The following ANKS1B variants were observed in gnomAD, a reference collection of about 807,000 sequenced individuals.
The protein encoded by ANKS1B is ankyrin repeat and sterile alpha motif domain containing 1B, also known as ankyrin repeat and sterile alpha motif domain-containing protein 1B.
ANKS1B carries 36 observed loss-of-function variants against 148.3 expected under a neutral mutation model. The ratio of observed to expected loss-of-function variants is 0.24; its 90% CI spans 0.19 to 0.32. ANKS1B has a LOEUF of 0.32. Ranked by LOEUF, ANKS1B falls within the 10% of genes least tolerant of loss-of-function variation. The pLI is 1.00. For synonymous variants in ANKS1B, 542 were observed against 560.8 expected, an observed-to-expected ratio of 0.97 and a Z score of 0.47; for missense variants, 1,157 against 1,542.6, an observed-to-expected ratio of 0.75 and a Z score of 4.19.
intron 10 of ANKS1B, among the ~76,000 whole-genome samples, chr12:99,476,723 T>C (rs550465309): frequency 1.3e-5 from 2 of 152,192 alleles, no homozygotes; most frequent in South Asian, 4.1e-4. Flanking sequence ...TAGCTATCTA[T>C]TTCTGTGTAA....
At chr12:99,814,172 A>G (rs1007172002) in intron 2 of ANKS1B, among the ~76,000 whole-genome samples, 2 of 151,592 alleles carry the variant, frequency 1.3e-5, no homozygotes, top group Admixed American at 6.6e-5. Context: ...AGTGCACTCT[A>G]TGATGTTCAC....
intron 9 of ANKS1B, among the ~76,000 whole-genome samples, chr12:99,574,304 C>CT (rs1173028505): frequency 2.0e-5 from 3 of 151,834 alleles, no homozygotes; most frequent in Non-Finnish European, 2.9e-5. Flanking sequence ...GTTGTAGAGT[C>CT]TTTTTTTTCT....
chr12:98,740,101 G>A (rs1234451305), downstream of ANKS1B, among the ~76,000 whole-genome samples: 1 of 152,198 alleles, frequency 6.6e-6, no homozygotes, highest in Non-Finnish European at 1.5e-5. Context: ...CCCTGGGCTT[G>A]TTGCTGGGGC....
intron 12 of ANKS1B, among the ~76,000 whole-genome samples, chr12:99,260,713 A>C (rs892220620): frequency 3.3e-5 from 5 of 152,202 alleles, no homozygotes; most frequent in African/African-American, 1.2e-4. Flanking sequence ...TCTGATTCAG[A>C]GAGAAGAAAA....
chr12:99,311,455 T>C (rs1198122955), intron 12 of ANKS1B, among the ~76,000 whole-genome samples: 1 of 152,172 alleles, frequency 6.6e-6, no homozygotes, highest in African/African-American at 2.4e-5. Context: ...AAATGTAATT[T>C]CTTCAGCTTC....
Position 99,649,203 on chromosome 12 carries a change from A to G in ANKS1B, c.1272+5864T>C, listed in dbSNP as rs12312204. ...CACAACATGTTTGTGTACTTGTGCAATAATTTCTTTTTGTTGTTTACCTAT... is the reference window on the plus strand; with the variant it reads ...CACAACATGTTTGTGTACTTGTGCAGTAATTTCTTTTTGTTGTTTACCTAT... On this transcript the variant is annotated intron_variant, in intron 9 of 26. Transcript: ENST00000683438. 1.9e-3 allele frequency: 1,986 copies of G among 1,049,102 alleles called. 21 individuals are homozygous for G. In the African/African-American group the frequency reaches 0.028, roughly 15 times the overall value. 65.0% of individuals were successfully genotyped at this position (1,049,102 alleles called of 1,614,324 possible).
chr12:99,031,297 C>T (rs2099951975), intron 17 of ANKS1B, among the ~76,000 whole-genome samples: 1 of 152,160 alleles, frequency 6.6e-6, no homozygotes, highest in South Asian at 2.1e-4. Flanking sequence ...GTGGATTTGT[C>T]ATTTAATTGC....
intron 1 of ANKS1B, among the ~76,000 whole-genome samples, chr12:99,883,934 A>G (rs1283794129): frequency 1.3e-5 from 2 of 152,126 alleles, no homozygotes; most frequent in Admixed American, 6.5e-5. Context: ...TGCAAATCAT[A>G]TATCAAACAA....
chr12:99,685,942 G>C (rs1473852221), intron 8 of ANKS1B, among the ~76,000 whole-genome samples: 3 of 152,048 alleles, frequency 2.0e-5, no homozygotes, highest in Non-Finnish European at 2.9e-5. Flanking sequence ...AAGATACAAA[G>C]GCATAAGAAT....
intron 9 of ANKS1B, among the ~76,000 whole-genome samples, chr12:99,517,696 G>A (rs1035807473): frequency 6.6e-6 from 1 of 152,086 alleles, no homozygotes; most frequent in South Asian, 2.1e-4. Context: ...TTTCCAATTT[G>A]GATGCCCTTT....
intron 8 of ANKS1B, among the ~76,000 whole-genome samples, chr12:99,752,836 CTA>C (rs2061235830): frequency 6.6e-6 from 1 of 151,862 alleles, no homozygotes; most frequent in Admixed American, 6.6e-5. Flanking sequence ...TTGTAGGACA[CTA>C]TGTGAATTGC....
intron 12 of ANKS1B, among the ~76,000 whole-genome samples, chr12:99,285,902 T>C (rs1294975696): frequency 6.6e-6 from 1 of 152,118 alleles, no homozygotes; most frequent in Non-Finnish European, 1.5e-5. Flanking sequence ...CCTAGCAGTA[T>C]TGTCAGAATT....
chr12:98,784,989 G>T (rs1006032804), intron 22 of ANKS1B, among the ~76,000 whole-genome samples: 3 of 152,098 alleles, frequency 2.0e-5, no homozygotes, highest in Non-Finnish European at 4.4e-5. Flanking sequence ...ATCCTGACCA[G>T]CCAGAGAGTT....
intron 1 of ANKS1B, among the ~76,000 whole-genome samples, chr12:99,955,364 G>T (rs1390585324): frequency 6.6e-6 from 1 of 151,444 alleles, no homozygotes; most frequent in African/African-American, 2.4e-5. Context: ...ATGGTGGCGC[G>T]CGCCTGTAGT....
At chr12:99,955,601 C>G (rs2095310584) in intron 1 of ANKS1B, among the ~76,000 whole-genome samples, 1 of 147,498 alleles carries the variant, frequency 6.8e-6, no homozygotes, top group South Asian at 2.2e-4. Context: ...GGGGCTGTTA[C>G]CTATCTCCAG....
At chr12:98,765,696 A>C (rs2153454242) in intron 25 of ANKS1B, among the ~76,000 whole-genome samples, 1 of 151,618 alleles carries the variant, frequency 6.6e-6, no homozygotes, top group East Asian at 2.0e-4. Context: ...CTTAGGTTCA[A>C]GCAGTTCTCC....
intron 9 of ANKS1B, among the ~76,000 whole-genome samples, chr12:99,645,387 G>A (rs2098351785): frequency 6.6e-6 from 1 of 152,154 alleles, no homozygotes; most frequent in East Asian, 1.9e-4. Flanking sequence ...ATGGTTCAGA[G>A]TATCTCCAAA....
chr12:98,886,865 A>C (rs570026822), intron 17 of ANKS1B, among the ~76,000 whole-genome samples: 1 of 152,338 alleles, frequency 6.6e-6, no homozygotes, highest in East Asian at 1.9e-4. Context: ...CTACAAAAGC[A>C]ATAGGAAGAC....
At chr12:98,846,037 T>TATAC (rs1736857653) in intron 17 of ANKS1B, among the ~76,000 whole-genome samples, 1 of 150,990 alleles carries the variant, frequency 6.6e-6, no homozygotes, top group Non-Finnish European at 1.5e-5. Flanking sequence ...TATATATATA[T>TATAC]GTATATTTTG....
Sources: allele counts gnomAD v4.1 joint callset (sites outside exome capture counted in the v4.1 genomes callset), GRCh38; gene constraint gnomAD v4.1.1; transcripts MANE v1.5; gene names NCBI Gene and HGNC (gene_info 2026-07-23, HGNC 2026-07-21).